Variants in LSAMP observed in about 807,000 individuals in gnomAD.
The protein encoded by LSAMP is limbic system-associated membrane protein.
A neutral mutation model predicts 38.6 loss-of-function variants in LSAMP; 7 were observed. The ratio of observed to expected loss-of-function variants is 0.18; its 90% CI spans 0.10 to 0.34. The LOEUF (loss-of-function observed/expected upper bound fraction) is 0.34, where lower values mean the gene tolerates loss of function less well. LSAMP is among the 10% of genes least tolerant of loss of function. The probability of loss-of-function intolerance (pLI) is 1.00; values close to 1 mark genes in which losing one functional copy is unlikely to be tolerated. For missense variants in LSAMP, 313 were observed against 420.0 expected (o/e 0.75, Z 2.23); for synonymous variants, 154 against 166.8 (o/e 0.92, Z 0.59).
chr3:115,808,304 T>G lies in LSAMP; in HGVS notation c.*2013A>C, dbSNP rs1370990968. ...ACATACCATATTTGGCTCTGCAAGA[T>G]TACATTCAAATATAATCTCAAAATA... On this transcript the variant is annotated 3_prime_UTR_variant, in exon 7 of 7. Coordinates refer to ENST00000490035, the MANE Select transcript of LSAMP (RefSeq NM_002338.5). The G allele has an allele frequency of 1.3e-5, 2 of 151,858 alleles. No individual in the cohort carries two copies. The highest frequency in any genetic ancestry group is 6.6e-5 in the Admixed American group (1 of 15,240). 9.4% of individuals were successfully genotyped at this position (151,858 alleles called of 1,614,324 possible).
chr3:115,958,097 C>T (rs943982337), intron 3 of LSAMP, among the ~76,000 whole-genome samples: 1 of 152,118 alleles, frequency 6.6e-6, no homozygotes, highest in Non-Finnish European at 1.5e-5. Flanking sequence ...CATATATGCA[C>T]ACACACATAC....
At chr3:115,892,612 AT>A (rs1387926625) in intron 3 of LSAMP, among the ~76,000 whole-genome samples, 1 of 151,808 alleles carries the variant, frequency 6.6e-6, no homozygotes, top group African/African-American at 2.4e-5. Context: ...GTAGTGTTCT[AT>A]TTCTTGATCT....
intron 1 of LSAMP, among the ~76,000 whole-genome samples, chr3:116,190,417 T>C (rs1053303347): frequency 2.0e-5 from 3 of 151,990 alleles, no homozygotes; most frequent in Non-Finnish European, 2.9e-5. Context: ...GCCCTGAAAA[T>C]GTGGAGTCAA....
intron 1 of LSAMP, among the ~76,000 whole-genome samples, chr3:116,266,372 T>A (rs2046891868): frequency 6.6e-6 from 1 of 152,170 alleles, no homozygotes; most frequent in African/African-American, 2.4e-5. Flanking sequence ...GAATTTATTA[T>A]GCTGCTTGCA....
At chr3:116,102,519 T>C (rs1000280830) in intron 1 of LSAMP, among the ~76,000 whole-genome samples, 5 of 152,176 alleles carry the variant, frequency 3.3e-5, no homozygotes, top group Non-Finnish European at 7.3e-5. Flanking sequence ...AGAAAGCAGA[T>C]TGATCTTCCC....
chr3:116,315,923 G>T (rs1174743289), intron 1 of LSAMP, among the ~76,000 whole-genome samples: 1 of 152,188 alleles, frequency 6.6e-6, no homozygotes, highest in Non-Finnish European at 1.5e-5. Flanking sequence ...TACATGTTCA[G>T]AAACGAATGG....
intron 1 of LSAMP, among the ~76,000 whole-genome samples, chr3:116,238,667 A>G (rs2046494928): frequency 6.6e-6 from 1 of 152,108 alleles, no homozygotes. Context: ...TTTGTCATGT[A>G]AGTTTCTAAT....
chr3:116,248,488 T>A (rs9829291), intron 1 of LSAMP, among the ~76,000 whole-genome samples: 313 of 16,586 alleles, frequency 0.019, 51 homozygotes, highest in South Asian at 0.053. Context: ...TGTGTGTGTG[T>A]GTGTGTGTGT....
At chr3:116,060,434 T>G (rs1408576055) in intron 2 of LSAMP, among the ~76,000 whole-genome samples, 1 of 151,808 alleles carries the variant, frequency 6.6e-6, no homozygotes, top group Non-Finnish European at 1.5e-5. Flanking sequence ...GGATTACTTT[T>G]AAAACACACA....
At chr3:116,255,167 T>C (rs1264821152) in intron 1 of LSAMP, among the ~76,000 whole-genome samples, 1 of 152,114 alleles carries the variant, frequency 6.6e-6, no homozygotes. Flanking sequence ...AGTAGTGATG[T>C]TTGTTTTAAT....
intron 3 of LSAMP, among the ~76,000 whole-genome samples, chr3:115,854,023 G>C (rs1300012328): frequency 6.6e-6 from 1 of 151,930 alleles, no homozygotes; most frequent in Non-Finnish European, 1.5e-5. Context: ...GACAGAACAT[G>C]GGGCTTCTTT....
At chr3:116,220,345 C>A (rs1297346551) in intron 1 of LSAMP, among the ~76,000 whole-genome samples, 1 of 125,718 alleles carries the variant, frequency 8.0e-6, no homozygotes, top group Non-Finnish European at 1.7e-5. Flanking sequence ...TTGTCATTTG[C>A]ATATGACACA....
At chr3:115,815,592 G>A (rs574185200) in intron 6 of LSAMP, among the ~76,000 whole-genome samples, 2 of 152,264 alleles carry the variant, frequency 1.3e-5, no homozygotes, top group East Asian at 1.9e-4. Flanking sequence ...AGTCCAATAC[G>A]TAGAACTTCT....
chr3:115,853,119 T>C (rs1159244753), intron 3 of LSAMP, among the ~76,000 whole-genome samples: 1 of 152,260 alleles, frequency 6.6e-6, no homozygotes, highest in East Asian at 1.9e-4. Flanking sequence ...TATTACACCA[T>C]GCTGCAAAGC....
intron 2 of LSAMP, among the ~76,000 whole-genome samples, chr3:116,056,394 G>T (rs1410972100): frequency 6.6e-6 from 1 of 152,104 alleles, no homozygotes; most frequent in Non-Finnish European, 1.5e-5. Flanking sequence ...GGGCTAAAGT[G>T]AAATCTGGTA....
chr3:115,943,537 C>G (rs187336530), intron 3 of LSAMP, among the ~76,000 whole-genome samples: 3 of 152,162 alleles, frequency 2.0e-5, no homozygotes. Flanking sequence ...TGAGCACATG[C>G]CTGACAGGCT....
intron 6 of LSAMP, among the ~76,000 whole-genome samples, chr3:115,813,000 TATAC>T (rs1263329803): frequency 4.6e-5 from 7 of 152,278 alleles, no homozygotes; most frequent in African/African-American, 1.4e-4. Context: ...TATACATACA[TATAC>T]ATACAAAGTA....
chr3:116,077,270 G>A (rs1707764724), intron 2 of LSAMP, among the ~76,000 whole-genome samples: 1 of 151,512 alleles, frequency 6.6e-6, no homozygotes, highest in African/African-American at 2.4e-5. Context: ...ATGATTGTTG[G>A]TATGCTTGCA....
chr3:116,244,495 G>A (rs574829561), intron 1 of LSAMP, among the ~76,000 whole-genome samples: 40 of 152,214 alleles, frequency 2.6e-4, no homozygotes, highest in South Asian at 2.1e-4. Flanking sequence ...ATTGGAACCC[G>A]TTCCTGTGTC....
Sources: gnomAD v4.1 joint callset for allele counts (sites outside exome capture counted in the v4.1 genomes callset) on GRCh38, gnomAD v4.1.1 for gene constraint, MANE v1.5 for transcripts, NCBI Gene and HGNC (gene_info 2026-07-23, HGNC 2026-07-21) for gene names.